ZNF385D: variants seen among roughly 807,000 people sequenced by gnomAD.
ZNF385D encodes zinc finger protein 659.
In ZNF385D, 15 loss-of-function variants were observed where a neutral mutation model predicts 35.8. The observed-to-expected ratio is 0.42, with a 90% confidence interval of 0.28 to 0.64. ZNF385D has a LOEUF of 0.64. ZNF385D is among the 30% of genes least tolerant of loss of function. The pLI is 0.23. For missense variants in ZNF385D, 474 were observed against 494.6 expected, an observed-to-expected ratio of 0.96 and a Z score of 0.39; for synonymous variants, 212 against 186.8, an observed-to-expected ratio of 1.13 and a Z score of -1.10.
At chr3:22,065,535 T>A (rs1488506218) in intron 3 of ZNF385D, among the ~76,000 whole-genome samples, 1 of 152,076 alleles carries the variant, frequency 6.6e-6, no homozygotes, top group East Asian at 1.9e-4. Flanking sequence ...TACAATAGCA[T>A]CCAGATGTGA....
rs901131912 is a variant in ZNF385D at position 21,465,006 on chromosome 3, A to C, written c.440-27803T>G. Among the ~76,000 whole-genome samples the C allele has an allele frequency of 1.3e-5, 2 of 152,326 alleles. No individual in the cohort carries two copies. Among genetic ancestry groups the C allele is most frequent in the Middle Eastern group, 6.8e-3 (2 of 294 alleles). ...TGCCGGCCAAGGACTCTGCTACAAAATAAGAAGCTATAAATTTCTTTCTCA... is the reference window on the plus strand; with the variant it reads ...TGCCGGCCAAGGACTCTGCTACAAACTAAGAAGCTATAAATTTCTTTCTCA... On this transcript the variant is annotated intron_variant, in intron 4 of 7. Coordinates refer to ENST00000281523, the MANE Select transcript of ZNF385D (RefSeq NM_024697.3). The surrounding 1 kb of genome is among the most constrained non-coding windows in gnomAD (Gnocchi z 4.2).
intron 3 of ZNF385D, among the ~76,000 whole-genome samples, chr3:21,778,412 G>A (rs1022120756): frequency 1.1e-4 from 17 of 151,828 alleles, no homozygotes; most frequent in Admixed American, 9.9e-4. Context: ...AAGGTGGCAC[G>A]GCTGAGTTCA....
At chr3:22,142,504 G>T (rs1370866945) in intron 3 of ZNF385D, among the ~76,000 whole-genome samples, 3 of 152,058 alleles carry the variant, frequency 2.0e-5, no homozygotes, top group South Asian at 2.1e-4. Context: ...AAATCAATTT[G>T]TTTGTATACA....
intron 3 of ZNF385D, among the ~76,000 whole-genome samples, chr3:21,519,746 A>G (rs540038838): frequency 6.6e-6 from 1 of 152,322 alleles, no homozygotes; most frequent in Admixed American, 6.5e-5. Flanking sequence ...TTTGTACAAA[A>G]CTGAGAAAAA....
chr3:21,610,763 A>G (rs1384734228), intron 2 of ZNF385D, among the ~76,000 whole-genome samples: 10 of 141,152 alleles, frequency 7.1e-5, no homozygotes, highest in Non-Finnish European at 1.5e-4. Flanking sequence ...CGACAGAGCG[A>G]GACTCCGTCC....
At chr3:22,083,033 C>T (rs1700839405) in intron 3 of ZNF385D, among the ~76,000 whole-genome samples, 1 of 152,188 alleles carries the variant, frequency 6.6e-6, no homozygotes, top group African/African-American at 2.4e-5. Flanking sequence ...ATAGCATCAA[C>T]ATCAACAAAA....
Position 21,708,448 on chromosome 3 carries a change from C to A in ZNF385D, c.22+42447G>T, listed in dbSNP as rs184213227. ...ACTCAGTTACTCTTGCCTAATGCCA[C>A]TGCTCTGAACTGTTATTCCCTCCTC... On this transcript the variant is annotated intron_variant, in intron 1 of 7. Coordinates refer to ENST00000281523, the MANE Select transcript of ZNF385D (RefSeq NM_024697.3). Among the ~76,000 whole-genome samples the A allele has an allele frequency of 5.6e-3, 857 of 152,332 alleles. 7 individuals are homozygous for A. Among genetic ancestry groups the A allele is most frequent in the Non-Finnish European group, 7.4e-3 (501 of 68,032 alleles).
intron 3 of ZNF385D, among the ~76,000 whole-genome samples, chr3:21,806,856 C>CA (rs939291391): frequency 1.3e-5 from 2 of 151,920 alleles, no homozygotes; most frequent in Non-Finnish European, 2.9e-5. Flanking sequence ...CTTTGTGAAT[C>CA]AAAAAAACAA....
chr3:22,240,031 A>G (rs1303523297), intron 2 of ZNF385D, among the ~76,000 whole-genome samples: 1 of 149,790 alleles, frequency 6.7e-6, no homozygotes, highest in East Asian at 2.0e-4. Context: ...AAAATACAAA[A>G]TATTACCCAG....
chr3:21,491,769 A>G (rs1705441857), intron 4 of ZNF385D, among the ~76,000 whole-genome samples: 2 of 152,144 alleles, frequency 1.3e-5, no homozygotes, highest in African/African-American at 4.8e-5. Flanking sequence ...TTACTACATG[A>G]TCCCTTGCAG....
At chr3:21,458,446 C>T (rs1702961324) in intron 4 of ZNF385D, among the ~76,000 whole-genome samples, 1 of 151,658 alleles carries the variant, frequency 6.6e-6, no homozygotes, top group Admixed American at 6.6e-5. Context: ...CACACCACTG[C>T]ACTCCAGCCT....
At chr3:22,204,979 C>CAAAAAA (rs761954306) in intron 2 of ZNF385D, among the ~76,000 whole-genome samples, 10 of 92,942 alleles carry the variant, frequency 1.1e-4, no homozygotes, top group Admixed American at 2.4e-4. Context: ...TGACCAAATC[C>CAAAAAA]AAAAAAAAAA....
chr3:21,602,366 G>A (rs1280385171), intron 2 of ZNF385D, among the ~76,000 whole-genome samples: 1 of 151,862 alleles, frequency 6.6e-6, no homozygotes, highest in African/African-American at 2.4e-5. Flanking sequence ...GCACATATTG[G>A]CCAGCGTGCA....
chr3:21,768,128 A>C (rs2070911573), intron 3 of ZNF385D, among the ~76,000 whole-genome samples: 1 of 152,092 alleles, frequency 6.6e-6, no homozygotes, highest in African/African-American at 2.4e-5. Context: ...TGAATGCACT[A>C]AATGAGAGAA....
chr3:22,352,734 G>A (rs1695973904), intron 2 of ZNF385D, among the ~76,000 whole-genome samples: 1 of 152,088 alleles, frequency 6.6e-6, no homozygotes, highest in Non-Finnish European at 1.5e-5. Context: ...AACATATTCA[G>A]TAGATAAAAA....
intron 3 of ZNF385D, among the ~76,000 whole-genome samples, chr3:21,846,572 T>C (rs946734411): frequency 4.6e-5 from 7 of 151,916 alleles, no homozygotes; most frequent in African/African-American, 1.7e-4. Flanking sequence ...AATCAGAAAT[T>C]GATTGAGAAG....
At chr3:22,128,505 ACT>A (rs773889616) in intron 3 of ZNF385D, among the ~76,000 whole-genome samples, 2 of 150,664 alleles carry the variant, frequency 1.3e-5, no homozygotes, top group Non-Finnish European at 3.0e-5. Context: ...AAGATCAATA[ACT>A]CTTATGTTTG....
At chr3:22,325,506 A>G (rs1052953877) in intron 2 of ZNF385D, among the ~76,000 whole-genome samples, 1 of 152,194 alleles carries the variant, frequency 6.6e-6, no homozygotes, top group African/African-American at 2.4e-5. Context: ...ATGCACGCCT[A>G]TAGTCCCAGC....
chr3:21,706,159 A>C (rs1028313487), intron 1 of ZNF385D, among the ~76,000 whole-genome samples: 3 of 152,232 alleles, frequency 2.0e-5, no homozygotes, highest in African/African-American at 7.2e-5. Flanking sequence ...TACCTTTCTC[A>C]AAGGACAAAA....
Sources: allele counts gnomAD v4.1 joint callset (sites outside exome capture counted in the v4.1 genomes callset), GRCh38; gene constraint gnomAD v4.1.1; non-coding constraint Gnocchi (gnomAD v3.1); transcripts MANE v1.5; gene names NCBI Gene and HGNC (gene_info 2026-07-23, HGNC 2026-07-21).